Variants in SAMD5 observed in about 807,000 individuals in gnomAD.
SAMD5 encodes the protein sterile alpha motif domain-containing protein 5.
SAMD5 carries 13 observed loss-of-function variants against 11.3 expected under a neutral mutation model. The observed-to-expected ratio is 1.15, with a 90% CI of 0.75 to 1.83. The LOEUF is 1.83. Ranked by LOEUF, SAMD5 falls within the 40% of genes most tolerant of loss-of-function variation. SAMD5 has a pLI of 0.00. For missense variants in SAMD5, 255 were observed against 239.1 expected (o/e 1.07, Z -0.44); for synonymous variants, 129 against 111.3 (o/e 1.16, Z -1.00).
intron 1 of SAMD5, among the ~76,000 whole-genome samples, chr6:147,580,383 C>A (rs1268629589): frequency 6.6e-6 from 1 of 152,256 alleles, no homozygotes; most frequent in East Asian, 1.9e-4. Flanking sequence ...AGGCCAAAGA[C>A]ATAGTTATTT....
chr6:147,533,356 G>T (rs1037077124), intron 1 of SAMD5, among the ~76,000 whole-genome samples: 4 of 151,444 alleles, frequency 2.6e-5, no homozygotes, highest in African/African-American at 9.7e-5. Context: ...CAGCTACTCC[G>T]GAGGCTGAGG....
the SAMD5 span, among the ~76,000 whole-genome samples, chr6:147,836,114 C>T: frequency 6.6e-6 from 1 of 152,172 alleles, no homozygotes; most frequent in African/African-American, 2.4e-5. Context: ...ACTTCATGTA[C>T]ATCCCACCTC....
At chr6:147,792,675 C>G in the SAMD5 span, among the ~76,000 whole-genome samples, 3 of 152,032 alleles carry the variant, frequency 2.0e-5, no homozygotes, top group African/African-American at 7.3e-5. Flanking sequence ...GATTCTGTGA[C>G]TGGGGCAGGA....
chr6:147,899,606 C>T, the SAMD5 span, among the ~76,000 whole-genome samples: 1 of 152,140 alleles, frequency 6.6e-6, no homozygotes, highest in East Asian at 1.9e-4. Flanking sequence ...AGGTAGTAGA[C>T]CCTGCCGCTC....
chr6:147,520,119 T>TTTTA (rs1255443217), intron 1 of SAMD5, among the ~76,000 whole-genome samples: 1 of 138,780 alleles, frequency 7.2e-6, no homozygotes, highest in African/African-American at 3.1e-5. Flanking sequence ...ACTTTATAGT[T>TTTTA]TTTTTTTTTT....
chr6:147,630,187 G>T (rs1790127005), intron 1 of SAMD5, among the ~76,000 whole-genome samples: 1 of 152,046 alleles, frequency 6.6e-6, no homozygotes, highest in Non-Finnish European at 1.5e-5. Context: ...GACCTTAGGT[G>T]ATCTGCCCGC....
Position 147,509,413 on chromosome 6 carries a change from C to A in SAMD5, c.459+26C>A, listed in dbSNP as rs768789713. 4 of 1,495,008 alleles carry A rather than the reference C, an allele frequency of 2.7e-6. No individual in the cohort carries two copies. In the South Asian group the frequency reaches 5.2e-5, roughly 19 times the overall value. 92.6% of individuals were successfully genotyped at this position (1,495,008 alleles called of 1,614,324 possible). On this transcript the variant is annotated intron_variant, in intron 1 of 1. Coordinates refer to ENST00000367474, the MANE Select transcript of SAMD5 (RefSeq NM_001030060.3). ...GTAAGGAGGTGCCGTCCGGGCGGCCCGGGGCGCGCGGCGGGAGGGGACACA... is the reference window on the plus strand; with the variant it reads ...GTAAGGAGGTGCCGTCCGGGCGGCCAGGGGCGCGCGGCGGGAGGGGACACA...
the SAMD5 span, among the ~76,000 whole-genome samples, chr6:147,910,213 C>T: frequency 6.6e-6 from 1 of 151,938 alleles, no homozygotes; most frequent in Non-Finnish European, 1.5e-5. Context: ...ACTTATTCAC[C>T]AAAGCGAATG....
chr6:147,850,487 A>C, the SAMD5 span, among the ~76,000 whole-genome samples: 1 of 152,154 alleles, frequency 6.6e-6, no homozygotes, highest in Non-Finnish European at 1.5e-5. Context: ...TGCCAGGAGA[A>C]ATACAGCAGT....
chr6:147,554,215 G>A (rs886370017), intron 1 of SAMD5, among the ~76,000 whole-genome samples: 11 of 152,124 alleles, frequency 7.2e-5, no homozygotes, highest in East Asian at 3.9e-4. Flanking sequence ...ACAACAGTAC[G>A]GGGGTAACCA....
the SAMD5 span, among the ~76,000 whole-genome samples, chr6:147,850,169 C>T: frequency 6.6e-6 from 1 of 152,088 alleles, no homozygotes; most frequent in African/African-American, 2.4e-5. Flanking sequence ...CATATGTATA[C>T]AAACCTAGCA....
intron 1 of SAMD5, among the ~76,000 whole-genome samples, chr6:147,663,840 T>G: frequency 6.7e-6 from 1 of 148,304 alleles, no homozygotes. Context: ...CCTTATCATC[T>G]GATTAAAAAA....
At chr6:147,638,196 C>T (rs549943342) in intron 1 of SAMD5, among the ~76,000 whole-genome samples, 26 of 152,082 alleles carry the variant, frequency 1.7e-4, no homozygotes, top group South Asian at 8.3e-4. Flanking sequence ...TATTTTTAAA[C>T]GTGTCTATTT....
the SAMD5 span, among the ~76,000 whole-genome samples, chr6:147,804,274 A>ATTT: frequency 6.7e-6 from 1 of 150,226 alleles, no homozygotes; most frequent in African/African-American, 2.4e-5. Flanking sequence ...CACCCAGCTA[A>ATTT]TTTTTTTTTG....
intron 1 of SAMD5, among the ~76,000 whole-genome samples, chr6:147,603,153 G>C (rs1268229991): frequency 6.6e-6 from 1 of 152,056 alleles, no homozygotes; most frequent in Non-Finnish European, 1.5e-5. Flanking sequence ...TTTCTTCTTG[G>C]GGAATTACAT....
chr6:147,543,045 T>C (rs1167583867), intron 1 of SAMD5, among the ~76,000 whole-genome samples: 1 of 152,106 alleles, frequency 6.6e-6, no homozygotes, highest in African/African-American at 2.4e-5. Flanking sequence ...CCAGCTCCCC[T>C]GGGCAGGCCT....
the SAMD5 span, among the ~76,000 whole-genome samples, chr6:147,765,020 G>A: frequency 6.6e-6 from 1 of 152,098 alleles, no homozygotes; most frequent in Admixed American, 6.5e-5. Context: ...AACAATACAT[G>A]TCAAGATTCT....
At chr6:147,816,310 A>T in the SAMD5 span, among the ~76,000 whole-genome samples, 1 of 127,570 alleles carries the variant, frequency 7.8e-6, no homozygotes, top group East Asian at 2.2e-4. Flanking sequence ...AAATATATAT[A>T]TATATATATA....
chr6:147,938,878 G>A, the SAMD5 span, among the ~76,000 whole-genome samples: 69 of 152,138 alleles, frequency 4.5e-4, 2 homozygotes, highest in Admixed American at 4.2e-3. Context: ...CCAACTATCT[G>A]GACTCCGACT....
Sources: gnomAD v4.1 joint callset for allele counts (sites outside exome capture counted in the v4.1 genomes callset) on GRCh38, gnomAD v4.1.1 for gene constraint, MANE v1.5 for transcripts, NCBI Gene and HGNC (gene_info 2026-07-23, HGNC 2026-07-21) for gene names.